The following NRDC variants were observed in gnomAD, a reference collection of about 807,000 sequenced individuals.
NRDC encodes the protein nardilysin convertase.
NRDC carries 54 observed loss-of-function variants against 147.1 expected under a neutral mutation model. The ratio of observed to expected loss-of-function variants is 0.37; its 90% CI spans 0.29 to 0.46. The LOEUF (loss-of-function observed/expected upper bound fraction) is 0.46. Ranked by LOEUF, NRDC falls within the 20% of genes least tolerant of loss-of-function variation. The probability of loss-of-function intolerance (pLI) is 1.00; values close to 1 mark genes in which losing one functional copy is unlikely to be tolerated. For synonymous variants in NRDC, 440 were observed against 482.1 expected, an observed-to-expected ratio of 0.91 and a Z score of 1.14; for missense variants, 1,082 against 1,370.6, an observed-to-expected ratio of 0.79 and a Z score of 3.33.
intron 1 of NRDC, among the ~76,000 whole-genome samples, chr1:51,866,324 A>G (rs72901953): frequency 0.033 from 5,085 of 152,314 alleles, 204 homozygotes; most frequent in South Asian, 0.095. Flanking sequence ...CAATGTAAAA[A>G]AGCACAACCC....
At chr1:51,868,687 G>A (rs1231098798) in intron 1 of NRDC, among the ~76,000 whole-genome samples, 1 of 151,978 alleles carries the variant, frequency 6.6e-6, no homozygotes, top group African/African-American at 2.4e-5. Flanking sequence ...TCGAGACCAG[G>A]CTGGGTAGCA....
intron 4 of NRDC, among the ~76,000 whole-genome samples, chr1:51,831,375 T>C (rs1181178775): frequency 1.3e-5 from 2 of 152,196 alleles, no homozygotes; most frequent in African/African-American, 4.8e-5. Context: ...TCAACTTGTC[T>C]TCTGCTTAAG....
At chr1:51,850,182 A>AAT (rs1461547755) in intron 1 of NRDC, among the ~76,000 whole-genome samples, 30 of 152,034 alleles carry the variant, frequency 2.0e-4, no homozygotes, top group African/African-American at 7.2e-4. Flanking sequence ...ATCTCAAAAA[A>AAT]AAATAATAAT....
intron 7 of NRDC, 100 bp from the exon 8 acceptor site, chr1:51,821,655 A>C: frequency 1.2e-6 from 1 of 850,344 alleles, no homozygotes; most frequent in Non-Finnish European, 1.9e-6. Flanking sequence ...TAAAAAACAA[A>C]GGGATATTTT....
chr1:51,870,451 C>T (rs1683028612), intron 1 of NRDC, among the ~76,000 whole-genome samples: 1 of 152,174 alleles, frequency 6.6e-6, no homozygotes, highest in Non-Finnish European at 1.5e-5. Context: ...CACAAATTTT[C>T]TTAGTATTTA....
At chr1:51,845,355 G>C (rs1324460095) in intron 1 of NRDC, among the ~76,000 whole-genome samples, 1 of 152,146 alleles carries the variant, frequency 6.6e-6, no homozygotes. Flanking sequence ...CACTTCGGAA[G>C]GCCAAGGCGG....
intron 6 of NRDC, 71 bp from the exon 7 acceptor site, chr1:51,823,857 G>A: frequency 3.8e-6 from 4 of 1,061,940 alleles, no homozygotes; most frequent in Non-Finnish European, 5.4e-6. Context: ...CATCATCAAT[G>A]CATATTTTGC....
At chr1:51,791,507 A>G in intron 27 of NRDC, 71 bp downstream of exon 27, 1 of 1,314,800 alleles carries the variant, frequency 7.6e-7, no homozygotes, top group Non-Finnish European at 1.1e-6. Flanking sequence ...CCAAGGTTTA[A>G]GGAAACACAT....
intron 21 of NRDC, 108 bp downstream of exon 21, chr1:51,800,448 C>T (rs2842581): frequency 0.082 from 102,149 of 1,248,018 alleles, 4,721 homozygotes; most frequent in Middle Eastern, 0.19. Flanking sequence ...GATTCAAACA[C>T]GGATGAAAAT....
At chr1:51,825,992 T>C (rs1680427876) in intron 5 of NRDC, among the ~76,000 whole-genome samples, 1 of 152,142 alleles carries the variant, frequency 6.6e-6, no homozygotes, top group African/African-American at 2.4e-5. Context: ...GACCTCAGAG[T>C]GCTCCCTTGC....
chr1:51,853,864 C>T (rs1682108754), intron 1 of NRDC, among the ~76,000 whole-genome samples: 2 of 152,140 alleles, frequency 1.3e-5, no homozygotes, highest in South Asian at 4.1e-4. Context: ...TGGTTTTCTT[C>T]TTTCTTTTCT....
In NRDC at chr1:51,878,418, C is replaced by T. The variant is rs1192475759; in HGVS notation, c.198G>A (p.Gln66=). 2 of 1,614,026 alleles carry T rather than the reference C, an allele frequency of 1.2e-6. No homozygotes were observed. Among genetic ancestry groups the T allele is most frequent in the Non-Finnish European group, 1.7e-6 (2 of 1,180,056 alleles). The part of the protein sequence containing the change: ...AKSTCSCPDL[Q]PNGQDLGENS... ...TCTCGCCCAGATCCTGTCCATTGGG[C>T]TGCAGGTCAGGGCAGCTGCAGGTAG... The change falls in exon 1 of 31, where the codon CAG becomes CAA. Residue 66 remains glutamine (Q), a synonymous_variant. Transcript: ENST00000352171.
At chr1:51,847,866 C>G (rs1013947478) in intron 1 of NRDC, among the ~76,000 whole-genome samples, 5 of 152,238 alleles carry the variant, frequency 3.3e-5, no homozygotes, top group Non-Finnish European at 5.9e-5. Flanking sequence ...GAGTGGGCAC[C>G]GAGGCCGAGG....
intron 2 of NRDC, among the ~76,000 whole-genome samples, chr1:51,839,825 C>T (rs1287376407): frequency 6.6e-6 from 1 of 152,164 alleles, no homozygotes; most frequent in Non-Finnish European, 1.5e-5. Flanking sequence ...TTTTCTTCTT[C>T]TTTTTCCAGT....
intron 12 of NRDC, 36 bp downstream of exon 12, chr1:51,814,657 G>A (rs755917377): frequency 2.9e-5 from 46 of 1,604,622 alleles, no homozygotes; most frequent in Middle Eastern, 1.7e-4. Flanking sequence ...TGATATCTAC[G>A]TAAAAGGAAA....
rs1345800238 is a variant in NRDC at position 51,878,404 on chromosome 1, T to A, written c.212A>T (p.Asp71Val). 5 of 1,614,168 alleles carry A rather than the reference T, an allele frequency of 3.1e-6. No individual in the cohort carries two copies. The East Asian group carries it at 1.1e-4, about 36-fold the overall frequency. The change falls in exon 1 of 31, where the codon GAT (aspartate) becomes GTT (valine). Residue 71 changes from aspartate to valine, a missense_variant. Coordinates refer to ENST00000352171, the MANE Select transcript of NRDC (RefSeq NM_001101662.2). ...SCPDLQPNGQ[D>V]LGENSRVARL... ...GGCAACCCGGCTGTTCTCGCCCAGA[T>A]CCTGTCCATTGGGCTGCAGGTCAGG...
chr1:51,796,096 G>C (rs755593113), intron 22 of NRDC, among the ~76,000 whole-genome samples: 7 of 152,108 alleles, frequency 4.6e-5, no homozygotes, highest in Non-Finnish European at 8.8e-5. Context: ...GCCCAGGCTG[G>C]TCTCAAACTA....
At chr1:51,846,279 A>C (rs1372937911) in intron 1 of NRDC, among the ~76,000 whole-genome samples, 1 of 151,800 alleles carries the variant, frequency 6.6e-6, no homozygotes, top group Non-Finnish European at 1.5e-5. Flanking sequence ...CACCTGGTTA[A>C]TTTTTTTATT....
chr1:51,809,062 C>T lies in NRDC; in HGVS notation c.1990+253G>A, dbSNP rs543713351. 4.6e-5 allele frequency among the ~76,000 whole-genome samples: 7 copies of T among 152,286 alleles called. No individual in the cohort carries two copies. In the South Asian group the frequency reaches 1.5e-3, roughly 32 times the overall value. The stretch of plus-strand genomic sequence containing the variant: ...TACTCTATACAAGATAAAGCATAAA[C>T]TTCAGAGTCCCAAGATCTGTGTTTA... On this transcript the variant is annotated intron_variant, in intron 17 of 30. Transcript: ENST00000352171.
Sources: gnomAD v4.1 joint callset for allele counts (sites outside exome capture counted in the v4.1 genomes callset) on GRCh38, gnomAD v4.1.1 for gene constraint, MANE v1.5 for transcripts, NCBI Gene and HGNC (gene_info 2026-07-23, HGNC 2026-07-21) for gene names.